Variants in HECW2 observed in about 807,000 individuals in gnomAD.
HECW2 encodes the protein HECT, C2 and WW domain containing E3 ubiquitin protein ligase 2, also known as E3 ubiquitin-protein ligase HECW2.
A neutral mutation model predicts 175.2 loss-of-function variants in HECW2; 61 were observed. That is an observed-to-expected ratio of 0.35 (90% CI 0.28 to 0.43). The LOEUF is 0.43. Among genes scored for constraint, HECW2 ranks in the 20% least tolerant of loss-of-function variants. The probability of loss-of-function intolerance (pLI) is 1.00; values close to 1 mark genes in which losing one functional copy is unlikely to be tolerated. For synonymous variants in HECW2, 671 were observed against 731.0 expected (o/e 0.92, Z 1.32); for missense variants, 1,524 against 2,000.5 (o/e 0.76, Z 4.54).
At chr2:196,407,868 T>C (rs1208426018) in intron 2 of HECW2, among the ~76,000 whole-genome samples, 1 of 152,258 alleles carries the variant, frequency 6.6e-6, no homozygotes, top group Admixed American at 6.5e-5. Context: ...TGGTACCTTG[T>C]AGGTGTTAAA....
intron 10 of HECW2, chr2:196,316,108 T>C (rs749706855): frequency 6.6e-6 from 1 of 152,234 alleles, no homozygotes; most frequent in African/African-American, 2.4e-5. Context: ...TGGGCCCCTC[T>C]ACCTGCTTAA....
At chr2:196,570,877 C>A (rs1690361110) in intron 1 of HECW2, among the ~76,000 whole-genome samples, 1 of 152,136 alleles carries the variant, frequency 6.6e-6, no homozygotes, top group Non-Finnish European at 1.5e-5. Context: ...GTCCAGTTTG[C>A]CAGACTCTTC....
intron 28 of HECW2, among the ~76,000 whole-genome samples, chr2:196,213,542 TG>T (rs1687365341): frequency 7.2e-5 from 11 of 152,120 alleles, no homozygotes; most frequent in Admixed American, 7.2e-4. Context: ...CCCCAAAAGA[TG>T]GGGCTTGTTA....
rs911097608 is a variant in HECW2, at chr2:196,200,682, C to T, written c.*595G>A. Reference sequence around the variant, plus strand: ...CCACTTGCATATACATTGTCACAGACCATCTTATTGCAAATCTGTAAAGGT... The same window carrying T: ...CCACTTGCATATACATTGTCACAGATCATCTTATTGCAAATCTGTAAAGGT... On this transcript the variant is annotated 3_prime_UTR_variant, in exon 29 of 29. Transcript: ENST00000644978. 2.6e-5 allele frequency: 4 copies of T among 152,660 alleles called. No individual in the cohort carries two copies. Among genetic ancestry groups the T allele is most frequent in the African/African-American group, 9.6e-5 (4 of 41,452 alleles). The allele number at this position is 152,660 out of a possible 1,614,324, so 9.5% of individuals were successfully genotyped here.
chr2:196,211,215 A>G (rs911077260), intron 28 of HECW2, among the ~76,000 whole-genome samples: 1 of 152,182 alleles, frequency 6.6e-6, no homozygotes, highest in African/African-American at 2.4e-5. Context: ...TGGGGGATGA[A>G]CACAGAAACT....
intron 2 of HECW2, among the ~76,000 whole-genome samples, chr2:196,429,238 C>G (rs1695634628): frequency 7.4e-6 from 1 of 135,924 alleles, no homozygotes; most frequent in African/African-American, 3.1e-5. Context: ...CTTTCCTGAG[C>G]CTGGGGGGGG....
chr2:196,358,540 C>A (rs144746006), intron 2 of HECW2, among the ~76,000 whole-genome samples: 3,905 of 117,780 alleles, frequency 0.033, 185 homozygotes, highest in African/African-American at 0.12. Context: ...GAGCCGAGAT[C>A]GCGCCACTGC....
At chr2:196,444,910 A>G (rs1696140885) in intron 1 of HECW2, among the ~76,000 whole-genome samples, 1 of 152,152 alleles carries the variant, frequency 6.6e-6, no homozygotes, top group African/African-American at 2.4e-5. Context: ...GAATAAACCA[A>G]AAGTTTCATG....
intron 1 of HECW2, among the ~76,000 whole-genome samples, chr2:196,515,872 C>T (rs140266516): frequency 4.7e-4 from 71 of 151,978 alleles, no homozygotes; most frequent in African/African-American, 1.6e-3. Flanking sequence ...GCCTGTAATC[C>T]CAACACTTTG....
intron 2 of HECW2, among the ~76,000 whole-genome samples, chr2:196,392,310 C>T (rs56047836): frequency 0.15 from 22,701 of 152,144 alleles, 1,853 homozygotes; most frequent in Middle Eastern, 0.25. Flanking sequence ...CCTAACATAG[C>T]ACTCTATGCA....
intron 14 of HECW2, chr2:196,288,412 C>G: frequency 6.6e-6 from 1 of 152,212 alleles, no homozygotes; most frequent in South Asian, 2.1e-4. Context: ...AGCAAACAGC[C>G]CAGGTCAGAC....
intron 16 of HECW2, among the ~76,000 whole-genome samples, chr2:196,273,371 T>C (rs1162502637): frequency 6.6e-6 from 1 of 152,110 alleles, no homozygotes; most frequent in Non-Finnish European, 1.5e-5. Context: ...CCAGCCAACC[T>C]AGTCTAATTT....
chr2:196,374,087 T>C (rs1693984482), intron 2 of HECW2, among the ~76,000 whole-genome samples: 1 of 152,036 alleles, frequency 6.6e-6, no homozygotes, highest in Admixed American at 6.5e-5. Flanking sequence ...AAAGATTATA[T>C]AAATTCAACG....
Position 196,259,813 on chromosome 2 carries a change from C to G in HECW2, c.3336-1907G>C, listed in dbSNP as rs6724012. Among the ~76,000 whole-genome samples the G allele has an allele frequency of 9.4e-3, 1,434 of 152,204 alleles. 27 individuals are homozygous for G. The highest frequency in any genetic ancestry group is 0.033 in the African/African-American group (1,381 of 41,526). ...AAAAGCTAAATCAGAGGAAAGTTAT[C>G]TTGAAGAAAAATGAATAATAACTTA... On this transcript the variant is annotated intron_variant, in intron 17 of 28. Transcript: ENST00000644978.
At chr2:196,502,824 G>A (rs1258323918) in intron 1 of HECW2, among the ~76,000 whole-genome samples, 1 of 152,208 alleles carries the variant, frequency 6.6e-6, no homozygotes, top group Non-Finnish European at 1.5e-5. Context: ...TGGAAAACAG[G>A]CATGGGCAAT....
intron 1 of HECW2, among the ~76,000 whole-genome samples, chr2:196,504,810 T>C (rs1687697729): frequency 6.6e-6 from 1 of 152,194 alleles, no homozygotes; most frequent in Non-Finnish European, 1.5e-5. Flanking sequence ...TCTGGAACTG[T>C]GCTTTTTACA....
At chr2:196,252,877 GA>G (rs148852392) in intron 19 of HECW2, among the ~76,000 whole-genome samples, 3,516 of 152,228 alleles carry the variant, frequency 0.023, 132 homozygotes, top group East Asian at 0.16. Flanking sequence ...AGCCCTGAAA[GA>G]ATAATTGTTC....
intron 1 of HECW2, among the ~76,000 whole-genome samples, chr2:196,548,584 A>C (rs1485989329): frequency 1.3e-5 from 2 of 152,212 alleles, no homozygotes; most frequent in Admixed American, 6.5e-5. Flanking sequence ...GAAAAACCCC[A>C]AAACAGGTCA....
At chr2:196,410,671 G>A (rs1346470890) in intron 2 of HECW2, among the ~76,000 whole-genome samples, 1 of 152,020 alleles carries the variant, frequency 6.6e-6, no homozygotes, top group Non-Finnish European at 1.5e-5. Flanking sequence ...AAAGACTAAA[G>A]GGATACTTCC....
Sources: allele counts gnomAD v4.1 joint callset (sites outside exome capture counted in the v4.1 genomes callset), GRCh38; gene constraint gnomAD v4.1.1; transcripts MANE v1.5; gene names NCBI Gene and HGNC (gene_info 2026-07-23, HGNC 2026-07-21).